The following TEAD2 variants were observed in gnomAD, a reference collection of about 807,000 sequenced individuals.
The protein encoded by TEAD2 is TEA domain transcription factor 2.
In TEAD2, 51 loss-of-function variants were observed where a neutral mutation model predicts 61.4. The observed-to-expected ratio is 0.83, with a 90% CI of 0.66 to 1.05. The LOEUF is 1.05. TEAD2 is among the 50% of genes least tolerant of loss of function. TEAD2 has a pLI of 0.00. For missense variants in TEAD2, 509 were observed against 600.0 expected (o/e 0.85, Z 1.58); for synonymous variants, 244 against 243.2 (o/e 1.00, Z -0.03).
intron 10 of TEAD2, among the ~76,000 whole-genome samples, chr19:49,344,991 G>A (rs544440698): frequency 5.3e-5 from 8 of 152,222 alleles, no homozygotes; most frequent in African/African-American, 1.9e-4. Flanking sequence ...TGCCAGGTCC[G>A]TCTTCTCAGG....
intron 1 of TEAD2, among the ~76,000 whole-genome samples, chr19:49,361,155 CG>C (rs1555786509): frequency 0.048 from 2,190 of 45,682 alleles, 24 homozygotes; most frequent in Middle Eastern, 0.083. Context: ...GGACAGAGAC[CG>C]GGGGGGGGGG....
In TEAD2 at chr19:49,352,656, C is replaced by T. The variant is rs540266466; in HGVS notation, c.540-1291G>A. 5.9e-5 allele frequency among the ~76,000 whole-genome samples: 9 copies of T among 152,126 alleles called. No individual in the cohort carries two copies. In the South Asian group the frequency reaches 8.3e-4, roughly 14 times the overall value. ...CATTCAAGCGATTCTCCTGCCTCAGCCTTCCAAGTAGCTAGGATTATTACA... is the reference window on the plus strand; with the variant it reads ...CATTCAAGCGATTCTCCTGCCTCAGTCTTCCAAGTAGCTAGGATTATTACA... On this transcript the variant is annotated intron_variant, in intron 7 of 12. Transcript: ENST00000593945.
At chr19:49,358,189 A>C (rs1972531932) in intron 3 of TEAD2, among the ~76,000 whole-genome samples, 1 of 152,208 alleles carries the variant, frequency 6.6e-6, no homozygotes, top group African/African-American at 2.4e-5. Context: ...AGCCAAGATC[A>C]CGCCACTGCA....
At chr19:49,342,262 TGGTGGG>T (rs1971336576) in intron 12 of TEAD2, among the ~76,000 whole-genome samples, 170 bp downstream of exon 12, 1 of 151,334 alleles carries the variant, frequency 6.6e-6, no homozygotes, top group Non-Finnish European at 1.5e-5. Context: ...TAAGGGTCAA[TGGTGGG>T]GTCCCCGCTG....
chr19:49,359,319 A>G lies in TEAD2; in HGVS notation c.297+116T>C. On this transcript the variant is annotated intron_variant, in intron 3 of 12. Transcript: ENST00000593945. The surrounding 1 kb of genome is among the most constrained non-coding windows in gnomAD (Gnocchi z 4.1). ...AAACGGACTAACACACATGCCGAGAAGACAGATGAACGCACAGGAAGCAGC... is the reference window on the plus strand; with the variant it reads ...AAACGGACTAACACACATGCCGAGAGGACAGATGAACGCACAGGAAGCAGC... The G allele has an allele frequency of 1.2e-6, 1 of 858,686 alleles. No individual in the cohort carries two copies. The highest frequency in any genetic ancestry group is 2.0e-6 in the Non-Finnish European group (1 of 511,464). 53.2% of individuals were successfully genotyped at this position (858,686 alleles called of 1,614,324 possible). A position where few individuals can be genotyped will look rare whatever the true frequency, so the allele number is the denominator to read the frequency against.
intron 8 of TEAD2, among the ~76,000 whole-genome samples, chr19:49,350,186 G>A (rs1971921564): frequency 6.6e-6 from 1 of 152,166 alleles, no homozygotes; most frequent in Non-Finnish European, 1.5e-5. Context: ...AGCCACCACA[G>A]TGGAAAGCAG....
At position 49,353,255 on chromosome 19, in the gene TEAD2, T is replaced by A. The variant is rs1001435262; in HGVS notation, c.540-1890A>T. Among the ~76,000 whole-genome samples, 3 of 151,950 alleles carry A rather than the reference T, an allele frequency of 2.0e-5. No homozygotes were observed. In the East Asian group the frequency reaches 5.8e-4, roughly 29 times the overall value. On this transcript the variant is annotated intron_variant, in intron 7 of 12. Transcript: ENST00000593945. ...CTGGGATTACAGGCGCACATCACCA[T>A]GCCTGGCTATTTTTTGCATTTTAGG... is the stretch of plus-strand genomic sequence containing the variant.
rs1384007951 is a variant in TEAD2, at chr19:49,343,271, T to A, written c.1049A>T (p.Lys350Met). ...LEHMTLTCSS[K>M]VCSFGKQVVE... ...CACCTGCTTGCCAAAAGAGCAGACCTTGGAGGAACAGGTGAGGGTCATGTG... is the reference window on the plus strand; with the variant it reads ...CACCTGCTTGCCAAAAGAGCAGACCATGGAGGAACAGGTGAGGGTCATGTG... The change falls in exon 11 of 13, where the codon AAG (lysine) becomes ATG (methionine). Residue 350 changes from lysine to methionine, a missense_variant. Coordinates refer to ENST00000593945, the MANE Select transcript of TEAD2 (RefSeq NM_001256660.2). 1 of 1,613,756 alleles carries A rather than the reference T, an allele frequency of 6.2e-7. No homozygotes were observed. Among genetic ancestry groups the A allele is most frequent in the South Asian group, 1.1e-5 (1 of 91,040 alleles).
At position 49,341,064 on chromosome 19, in the gene TEAD2, C is replaced by G. The variant is rs1234526726; in HGVS notation, c.*260G>C. 2.4e-6 allele frequency: 1 copy of G among 425,250 alleles called. No homozygotes were observed. The highest frequency in any genetic ancestry group is 2.0e-5 in the African/African-American group (1 of 49,956). 26.3% of individuals were successfully genotyped at this position (425,250 alleles called of 1,614,324 possible). A position where few individuals can be genotyped will look rare whatever the true frequency, so the allele number is the denominator to read the frequency against. ...CCTGTCCCCACAATCCCTGATACTCCGGAGTGATCTGTCCTTTCAGACACC... is the reference window on the plus strand; with the variant it reads ...CCTGTCCCCACAATCCCTGATACTCGGGAGTGATCTGTCCTTTCAGACACC... On this transcript the variant is annotated 3_prime_UTR_variant, in exon 13 of 13. Transcript: ENST00000593945. This position sits in a 1 kb window ranked among gnomAD's most constrained non-coding sequence, Gnocchi z 4.2.
Position 49,342,581 on chromosome 19 carries a change from C to T in TEAD2, c.1099G>A (p.Ala367Thr). ...QVVEKVETER[A>T]QLEDGRFVYR... ...ACAAATCTGCCGTCCTCCAGCTGGG[C>T]CCGTTCCGTCTGAACCAAGGGGAAG... The change falls in exon 12 of 13, where the codon GCC (alanine) becomes ACC (threonine). Residue 367 changes from alanine (A) to threonine (T), a missense_variant. Ala to Thr is a moderately conservative substitution (Grantham distance 58, BLOSUM62 0). Transcript: ENST00000593945. The T allele has an allele frequency of 6.2e-7, 1 of 1,612,514 alleles. No homozygotes were observed. Among genetic ancestry groups the T allele is most frequent in the Non-Finnish European group, 8.5e-7 (1 of 1,179,064 alleles).
intron 7 of TEAD2, among the ~76,000 whole-genome samples, chr19:49,353,781 ACT>A (rs959090186): frequency 7.2e-6 from 1 of 139,684 alleles, no homozygotes; most frequent in African/African-American, 2.6e-5. Context: ...CTGTCACTGC[ACT>A]CTTTTTTTTT....
intron 7 of TEAD2, among the ~76,000 whole-genome samples, chr19:49,354,814 G>A (rs1258049041): frequency 6.6e-6 from 1 of 151,968 alleles, no homozygotes; most frequent in African/African-American, 2.4e-5. Context: ...CCTGGCCAAC[G>A]TGGTGAAAAC....
rs547441791 is a variant in TEAD2 at position 49,341,104 on chromosome 19, A to C, written c.*220T>G. The C allele has an allele frequency of 9.7e-6, 5 of 518,018 alleles. No homozygotes were observed. The highest frequency in any genetic ancestry group is 9.6e-5 in the African/African-American group (5 of 52,248). The allele number at this position is 518,018 out of a possible 1,614,324, so 32.1% of individuals were successfully genotyped here. A position where few individuals can be genotyped will look rare whatever the true frequency, so the allele number is the denominator to read the frequency against. ...TTTCAGACACCCACTGTGAGGTCCC[A>C]ATATCGGGGTTTATCCTTTCCTCAG... On this transcript the variant is annotated 3_prime_UTR_variant, in exon 13 of 13. Transcript: ENST00000593945. This position sits in a 1 kb window ranked among gnomAD's most constrained non-coding sequence, Gnocchi z 4.2.
At chr19:49,350,329 ATTTATT>A (rs2146429349) in intron 8 of TEAD2, among the ~76,000 whole-genome samples, 1 of 152,016 alleles carries the variant, frequency 6.6e-6, no homozygotes, top group African/African-American at 2.4e-5. Context: ...TTATTTATTT[ATTTATT>A]TTGAGACAGA....
In TEAD2 at chr19:49,341,951, G is replaced by A. The variant is rs979385640; in HGVS notation, c.1242+487C>T. ...CTCACACCTGTAATCCCAGCACTTTGGGAGGCCTAGGCAGGTGGATCACTT... is the reference window on the plus strand; with the variant it reads ...CTCACACCTGTAATCCCAGCACTTTAGGAGGCCTAGGCAGGTGGATCACTT... On this transcript the variant is annotated intron_variant, in intron 12 of 12. Coordinates refer to ENST00000593945, the MANE Select transcript of TEAD2 (RefSeq NM_001256660.2). The surrounding 1 kb of genome is among the most constrained non-coding windows in gnomAD (Gnocchi z 4.2). Among the ~76,000 whole-genome samples, 1 of 152,138 alleles carries A rather than the reference G, an allele frequency of 6.6e-6. No homozygotes were observed. The highest frequency in any genetic ancestry group is 1.5e-5 in the Non-Finnish European group (1 of 68,032).
intron 7 of TEAD2, 88 bp downstream of exon 7, chr19:49,355,060 C>A: frequency 1.3e-6 from 1 of 795,878 alleles, no homozygotes; most frequent in Admixed American, 2.3e-5. Flanking sequence ...AATGGGGGGA[C>A]ACAGGAGCTA....
chr19:49,356,791 A>G (rs1475543007), intron 4 of TEAD2, among the ~76,000 whole-genome samples: 1 of 151,884 alleles, frequency 6.6e-6, no homozygotes, highest in Non-Finnish European at 1.5e-5. Context: ...AGCCTCCTCC[A>G]TGCCATCGCT....
chr19:49,358,503 G>A (rs1428115448), intron 3 of TEAD2, among the ~76,000 whole-genome samples: 1 of 152,130 alleles, frequency 6.6e-6, no homozygotes, highest in Admixed American at 6.6e-5. Flanking sequence ...CATGTGCCAG[G>A]CCTGCTCCCA....
chr19:49,343,888 C>T (rs1971471863), intron 10 of TEAD2, among the ~76,000 whole-genome samples: 1 of 150,430 alleles, frequency 6.6e-6, no homozygotes, highest in African/African-American at 2.4e-5. Context: ...GCTCCGTCAC[C>T]CAGGCAATGT....
Sources: allele counts gnomAD v4.1 joint callset (sites outside exome capture counted in the v4.1 genomes callset), GRCh38; gene constraint gnomAD v4.1.1; non-coding constraint Gnocchi (gnomAD v3.1); transcripts MANE v1.5; gene names NCBI Gene and HGNC (gene_info 2026-07-23, HGNC 2026-07-21).